RHBDD1: variants seen among roughly 807,000 people sequenced by gnomAD.
RHBDD1 encodes rhomboid-related protein 4.
In RHBDD1, 38 loss-of-function variants were observed where a neutral mutation model predicts 36.3. The observed-to-expected ratio is 1.05, with a 90% CI of 0.81 to 1.37. The LOEUF (loss-of-function observed/expected upper bound fraction) is 1.37, where lower values mean the gene tolerates loss of function less well. Among genes scored for constraint, RHBDD1 ranks in the 40% most tolerant of loss-of-function variants. The probability of loss-of-function intolerance (pLI) is 0.00; values close to 1 mark genes in which losing one functional copy is unlikely to be tolerated. For synonymous variants in RHBDD1, 151 were observed against 136.5 expected, an observed-to-expected ratio of 1.11 and a Z score of -0.74; for missense variants, 393 against 377.6, an observed-to-expected ratio of 1.04 and a Z score of -0.34.
At chr2:226,805,289 T>C in the RHBDD1 span, among the ~76,000 whole-genome samples, 1 of 152,242 alleles carries the variant, frequency 6.6e-6, no homozygotes, top group African/African-American at 2.4e-5. Flanking sequence ...CTCGGCTCAC[T>C]GCAACCTCCA....
chr2:226,907,669 A>G (rs901578961), intron 6 of RHBDD1, among the ~76,000 whole-genome samples: 3 of 152,184 alleles, frequency 2.0e-5, no homozygotes, highest in African/African-American at 7.2e-5. Flanking sequence ...ACCATATAAT[A>G]TTCATGATAG....
chr2:226,907,667 A>G (rs527244334), intron 6 of RHBDD1, among the ~76,000 whole-genome samples: 1 of 152,144 alleles, frequency 6.6e-6, no homozygotes, highest in East Asian at 1.9e-4. Context: ...GAACCATATA[A>G]TATTCATGAT....
At chr2:226,896,435 C>A (rs1041130018) in intron 5 of RHBDD1, among the ~76,000 whole-genome samples, 4 of 152,138 alleles carry the variant, frequency 2.6e-5, no homozygotes, top group Non-Finnish European at 5.9e-5. Context: ...TATCTATTAC[C>A]CTTCCCTGGA....
At chr2:226,970,484 T>C (rs1157286218) in intron 8 of RHBDD1, among the ~76,000 whole-genome samples, 1 of 152,180 alleles carries the variant, frequency 6.6e-6, no homozygotes, top group African/African-American at 2.4e-5. Context: ...GGTTTGTGTG[T>C]GAATTTGTCC....
intron 8 of RHBDD1, among the ~76,000 whole-genome samples, chr2:226,915,951 G>T (rs751395806): frequency 2.0e-5 from 3 of 152,176 alleles, no homozygotes; most frequent in South Asian, 2.1e-4. Context: ...AGGTGTCTGC[G>T]CTGGTCTGCT....
At chr2:226,878,952 C>A (rs985165907) in intron 5 of RHBDD1, among the ~76,000 whole-genome samples, 1 of 151,704 alleles carries the variant, frequency 6.6e-6, no homozygotes, top group African/African-American at 2.4e-5. Flanking sequence ...TGCTGTGCTA[C>A]TGTGAGTCCT....
intron 8 of RHBDD1, among the ~76,000 whole-genome samples, chr2:226,987,164 C>G (rs1957141316): frequency 6.6e-6 from 1 of 152,058 alleles, no homozygotes; most frequent in South Asian, 2.1e-4. Flanking sequence ...ACATCACAGA[C>G]CAGGGCCTGT....
At chr2:226,801,677 A>G in the RHBDD1 span, among the ~76,000 whole-genome samples, 8 of 152,328 alleles carry the variant, frequency 5.3e-5, no homozygotes, top group African/African-American at 1.4e-4. Flanking sequence ...TTAATAGCAG[A>G]TATTTGGAAA....
At chr2:226,907,315 T>C (rs1948139259) in intron 6 of RHBDD1, among the ~76,000 whole-genome samples, 1 of 152,230 alleles carries the variant, frequency 6.6e-6, no homozygotes, top group East Asian at 1.9e-4. Flanking sequence ...TTCAGACTGA[T>C]GACCGGGTCC....
the RHBDD1 span, among the ~76,000 whole-genome samples, chr2:226,816,577 T>C: frequency 6.6e-6 from 1 of 152,234 alleles, no homozygotes; most frequent in East Asian, 1.9e-4. Flanking sequence ...CTCTGTTGTT[T>C]ACAGATTATA....
chr2:226,832,683 G>A (rs1019980656), upstream of RHBDD1, among the ~76,000 whole-genome samples: 4 of 152,272 alleles, frequency 2.6e-5, no homozygotes, highest in South Asian at 2.1e-4. Context: ...TCTTCTCAAT[G>A]TATTGACCCT....
chr2:226,914,573 G>A (rs1370771826), intron 8 of RHBDD1: 3 of 326,618 alleles, frequency 9.2e-6, no homozygotes, highest in Non-Finnish European at 1.6e-5. Context: ...TGTTAAAGTG[G>A]TTCTTTTTAT....
At chr2:226,819,997 T>TTTC in the RHBDD1 span, among the ~76,000 whole-genome samples, 1 of 98,756 alleles carries the variant, frequency 1.0e-5, no homozygotes, top group Non-Finnish European at 2.2e-5. Context: ...TTTTTTTTTT[T>TTTC]CTGAAAAAAA....
chr2:226,835,587 T>G (rs1940878534), upstream of RHBDD1: 1 of 152,142 alleles, frequency 6.6e-6, no homozygotes, highest in Non-Finnish European at 1.5e-5. Context: ...AGGCAGCAGC[T>G]CCCCAGCCTC....
At chr2:226,930,864 G>A (rs991739701) in intron 8 of RHBDD1, among the ~76,000 whole-genome samples, 6 of 151,744 alleles carry the variant, frequency 4.0e-5, no homozygotes, top group Non-Finnish European at 7.4e-5. Flanking sequence ...ACATACAAAT[G>A]ACCAAGAAAC....
chr2:226,998,234 C>CATA lies in RHBDD1; in HGVS notation c.*2715_*2717dup, dbSNP rs1261636321. On this transcript the variant is annotated 3_prime_UTR_variant, in exon 9 of 9. Transcript: ENST00000392062. ...TATTGCCTGTGATTCCAAAGTTGTA[C>CATA]ATAATTGTTCAGACCTCCTCCATCC... The CATA allele has an allele frequency of 6.6e-6, 1 of 152,168 alleles. No individual in the cohort carries two copies. The highest frequency in any genetic ancestry group is 2.4e-5 in the African/African-American group (1 of 41,438). The allele number at this position is 152,168 out of a possible 1,614,324, so 9.4% of individuals were successfully genotyped here.
chr2:226,884,442 T>A (rs13405608), intron 5 of RHBDD1, among the ~76,000 whole-genome samples: 2,092 of 152,242 alleles, frequency 0.014, 39 homozygotes, highest in African/African-American at 0.048. Flanking sequence ...ATATGAGAGA[T>A]AAAATAATTT....
the RHBDD1 span, among the ~76,000 whole-genome samples, chr2:226,803,183 G>C: frequency 6.6e-6 from 1 of 152,096 alleles, no homozygotes; most frequent in Non-Finnish European, 1.5e-5. Context: ...TTTTAAGATG[G>C]CTCAATAGTA....
intron 7 of RHBDD1, among the ~76,000 whole-genome samples, chr2:226,913,349 A>G (rs1019619160): frequency 2.6e-5 from 4 of 152,238 alleles, no homozygotes; most frequent in African/African-American, 9.6e-5. Context: ...AGAAAAAATC[A>G]AACAGACTAT....
Sources: allele counts gnomAD v4.1 joint callset (sites outside exome capture counted in the v4.1 genomes callset), GRCh38; gene constraint gnomAD v4.1.1; transcripts MANE v1.5; gene names NCBI Gene and HGNC (gene_info 2026-07-23, HGNC 2026-07-21).